The following CDYL variants were observed in gnomAD, a reference collection of about 807,000 sequenced individuals.
The protein encoded by CDYL is chromodomain Y like.
In CDYL, 8 loss-of-function variants were observed where a neutral mutation model predicts 47.3. The observed-to-expected ratio is 0.17, with a 90% confidence interval of 0.10 to 0.31. CDYL has a LOEUF of 0.31. Among genes scored for constraint, CDYL ranks in the 10% least tolerant of loss-of-function variants. The probability of loss-of-function intolerance (pLI) is 1.00; values close to 1 mark genes in which losing one functional copy is unlikely to be tolerated. For missense variants in CDYL, 471 were observed against 701.4 expected (o/e 0.67, Z 3.71); for synonymous variants, 266 against 265.0 (o/e 1.00, Z -0.04).
chr6:4,954,061 C>T lies in CDYL; in HGVS notation c.*5C>T. 10 of 1,611,482 alleles carry T rather than the reference C, an allele frequency of 6.2e-6. No homozygotes were observed. The highest frequency in any genetic ancestry group is 1.1e-5 in the South Asian group (1 of 90,620). Reference sequence around the variant, plus strand: ...AGGAAGATCGATGAGTTCTGAGTGTCGGGCTGCCCACTGGTGACACCGGGA... The same window carrying T: ...AGGAAGATCGATGAGTTCTGAGTGTTGGGCTGCCCACTGGTGACACCGGGA... On this transcript the variant is annotated 3_prime_UTR_variant, in exon 7 of 7. Coordinates refer to ENST00000397588, the MANE Select transcript of CDYL (RefSeq NM_004824.4).
At position 4,792,724 on chromosome 6, in the gene CDYL, C is replaced by A. The variant is rs1257554273; in HGVS notation, c.24+15917C>A. ...GTGCTGGGATTACAGGCATGAGCCACCGCGCCTGGCTTCTCTCATTTCGTT... is the reference window on the plus strand; with the variant it reads ...GTGCTGGGATTACAGGCATGAGCCAACGCGCCTGGCTTCTCTCATTTCGTT... On this transcript the variant is annotated intron_variant, in intron 1 of 6. Coordinates refer to ENST00000397588, the MANE Select transcript of CDYL (RefSeq NM_004824.4). Among the ~76,000 whole-genome samples the A allele has an allele frequency of 2.0e-5, 3 of 152,146 alleles. No homozygotes were observed. The East Asian group carries it at 5.8e-4, about 29-fold the overall frequency.
chr6:4,723,399 G>A (rs531480235), intron 2 of CDYL, among the ~76,000 whole-genome samples: 8 of 152,138 alleles, frequency 5.3e-5, no homozygotes, highest in Non-Finnish European at 1.0e-4. Flanking sequence ...GTCCAGGCAG[G>A]AGACGGACAG....
intron 2 of CDYL, among the ~76,000 whole-genome samples, chr6:4,727,625 C>T (rs1757539161): frequency 9.3e-6 from 1 of 107,924 alleles, no homozygotes; most frequent in African/African-American, 3.6e-5. Flanking sequence ...AATTAAATTT[C>T]TCAACTACCT....
At chr6:4,829,122 C>G (rs1760062744) in intron 1 of CDYL, among the ~76,000 whole-genome samples, 1 of 152,080 alleles carries the variant, frequency 6.6e-6, no homozygotes, top group South Asian at 2.1e-4. Context: ...TTGTACTTCC[C>G]TATTTCTTTA....
Position 4,822,850 on chromosome 6 carries a change from G to T in CDYL, c.24+46043G>T, listed in dbSNP as rs557491275. Among the ~76,000 whole-genome samples the T allele has an allele frequency of 3.3e-5, 5 of 152,316 alleles. No homozygotes were observed. In the East Asian group the frequency reaches 9.6e-4, roughly 29 times the overall value. The stretch of plus-strand genomic sequence containing the variant: ...TTGTTGTTCAGATGTGACCCCACAG[G>T]TCTACTTCTGTGCTCACAAGGGAAT... On this transcript the variant is annotated intron_variant, in intron 1 of 6. Coordinates refer to ENST00000397588, the MANE Select transcript of CDYL (RefSeq NM_004824.4).
intron 1 of CDYL, among the ~76,000 whole-genome samples, chr6:4,857,369 G>T (rs1051739866): frequency 6.6e-6 from 1 of 152,130 alleles, no homozygotes; most frequent in Non-Finnish European, 1.5e-5. Flanking sequence ...TTATATACAC[G>T]AGAGTAAACA....
Position 4,798,033 on chromosome 6 carries a change from C to T in CDYL, c.24+21226C>T, listed in dbSNP as rs187667731. Among the ~76,000 whole-genome samples the T allele has an allele frequency of 2.2e-3, 338 of 151,922 alleles. 4 individuals carry two copies. The highest frequency in any genetic ancestry group is 5.8e-3 in the Admixed American group (89 of 15,254). On this transcript the variant is annotated intron_variant, in intron 1 of 6. Transcript: ENST00000397588. ...TGTTGCCCAGGCTGGAATGCAGTGG[C>T]GCAGTCACAGCTCACTGCAGCCTTG...
At chr6:4,893,362 C>CCCTCT (rs947946268) in intron 2 of CDYL, among the ~76,000 whole-genome samples, 1 of 152,216 alleles carries the variant, frequency 6.6e-6, no homozygotes, top group African/African-American at 2.4e-5. Flanking sequence ...CACCACCTGG[C>CCCTCT]CCTCTCCTCT....
intron 1 of CDYL, among the ~76,000 whole-genome samples, chr6:4,856,922 G>T (rs1761025286): frequency 6.6e-6 from 1 of 152,152 alleles, no homozygotes; most frequent in South Asian, 2.1e-4. Flanking sequence ...GGATATTTTT[G>T]TCCATCACTG....
intron 3 of CDYL, among the ~76,000 whole-genome samples, chr6:4,766,845 A>C (rs1413531710): frequency 6.6e-6 from 1 of 151,920 alleles, no homozygotes; most frequent in African/African-American, 2.4e-5. Flanking sequence ...TCTCCACAAA[A>C]AAAAAGTTGG....
chr6:4,877,608 T>C (rs1761655474), intron 1 of CDYL, among the ~76,000 whole-genome samples: 1 of 152,218 alleles, frequency 6.6e-6, no homozygotes, highest in African/African-American at 2.4e-5. Context: ...GGGATCTTTG[T>C]AATCAAAAAT....
chr6:4,727,708 C>T (rs559499036), intron 2 of CDYL, among the ~76,000 whole-genome samples: 4 of 151,684 alleles, frequency 2.6e-5, no homozygotes, highest in Admixed American at 2.0e-4. Context: ...CCTGACAAAC[C>T]GCTTCCAGCT....
chr6:4,769,927 GC>G (rs1329114734), intron 3 of CDYL, among the ~76,000 whole-genome samples: 1 of 151,920 alleles, frequency 6.6e-6, no homozygotes, highest in Non-Finnish European at 1.5e-5. Flanking sequence ...CTCCCAAGTA[GC>G]GGGGACTACA....
chr6:4,816,744 C>T (rs1170134569), intron 1 of CDYL, among the ~76,000 whole-genome samples: 1 of 152,090 alleles, frequency 6.6e-6, no homozygotes, highest in African/African-American at 2.4e-5. Context: ...CCATCTCAGC[C>T]TCCCAAAGTG....
At chr6:4,793,078 G>C (rs759555555) in intron 1 of CDYL, among the ~76,000 whole-genome samples, 1 of 152,076 alleles carries the variant, frequency 6.6e-6, no homozygotes, top group Non-Finnish European at 1.5e-5. Flanking sequence ...TTGGAAACTC[G>C]TCCTTCCAGG....
intron 5 of CDYL, among the ~76,000 whole-genome samples, chr6:4,947,649 CTCTT>C (rs1439308090): frequency 1.3e-5 from 2 of 152,194 alleles, no homozygotes; most frequent in Admixed American, 6.5e-5. Context: ...CTAAACCTCT[CTCTT>C]CACCCTCGGT....
intron 2 of CDYL, among the ~76,000 whole-genome samples, chr6:4,913,819 T>C (rs1260286156): frequency 6.6e-6 from 1 of 152,220 alleles, no homozygotes; most frequent in Non-Finnish European, 1.5e-5. Context: ...GGTAAACAAA[T>C]GAACGTGGCT....
intron 2 of CDYL, among the ~76,000 whole-genome samples, chr6:4,931,917 C>T (rs1239885745): frequency 6.6e-6 from 1 of 152,156 alleles, no homozygotes. Context: ...TAGGGACTAT[C>T]GCCTCAAAGA....
chr6:4,726,531 C>CAA (rs58148317), intron 2 of CDYL, among the ~76,000 whole-genome samples: 2,639 of 100,318 alleles, frequency 0.026, 45 homozygotes, highest in African/African-American at 0.045. Context: ...GACTCTGTCT[C>CAA]AAAAAAAAAA....
Sources: allele counts gnomAD v4.1 joint callset (sites outside exome capture counted in the v4.1 genomes callset), GRCh38; gene constraint gnomAD v4.1.1; transcripts MANE v1.5; gene names NCBI Gene and HGNC (gene_info 2026-07-23, HGNC 2026-07-21).